The following LEMD3 variants were observed in gnomAD, a reference collection of about 807,000 sequenced individuals.
LEMD3 encodes the protein LEM domain containing 3.
A neutral mutation model predicts 95.2 loss-of-function variants in LEMD3; 33 were observed. The observed-to-expected ratio is 0.35, with a 90% CI of 0.26 to 0.46. The LOEUF (loss-of-function observed/expected upper bound fraction) is 0.46, where lower values mean the gene tolerates loss of function less well. Ranked by LOEUF, LEMD3 falls within the 20% of genes least tolerant of loss-of-function variation. The pLI is 1.00. For synonymous variants in LEMD3, 525 were observed against 474.6 expected, an observed-to-expected ratio of 1.11 and a Z score of -1.38; for missense variants, 1,210 against 1,192.8, an observed-to-expected ratio of 1.01 and a Z score of -0.21.
At chr12:65,214,585 A>G (rs1030559363) in intron 2 of LEMD3, among the ~76,000 whole-genome samples, 4 of 152,146 alleles carry the variant, frequency 2.6e-5, no homozygotes, top group Non-Finnish European at 5.9e-5. Flanking sequence ...GTGTGCAAAC[A>G]TGTTCTCTTC....
At chr12:65,192,277 A>T (rs542975614) in intron 1 of LEMD3, among the ~76,000 whole-genome samples, 1 of 152,306 alleles carries the variant, frequency 6.6e-6, no homozygotes, top group Non-Finnish European at 1.5e-5. Context: ...AAATTCATTC[A>T]CGTCCTAGCC....
intron 4 of LEMD3, among the ~76,000 whole-genome samples, chr12:65,226,116 C>A (rs1870441565): frequency 6.6e-6 from 1 of 152,126 alleles, no homozygotes; most frequent in Non-Finnish European, 1.5e-5. Flanking sequence ...AGTGCTGTTG[C>A]CTTTGTTCTT....
chr12:65,184,000 A>G (rs1037189816), intron 1 of LEMD3, among the ~76,000 whole-genome samples: 14 of 152,164 alleles, frequency 9.2e-5, no homozygotes, highest in African/African-American at 3.4e-4. Context: ...TCCTATTGGC[A>G]AAAGTGAAAA....
At chr12:65,204,988 G>A (rs1467272347) in intron 1 of LEMD3, among the ~76,000 whole-genome samples, 1 of 152,176 alleles carries the variant, frequency 6.6e-6, no homozygotes, top group Non-Finnish European at 1.5e-5. Context: ...ATAAAGGAAA[G>A]AGGTTTAATT....
In LEMD3 at chr12:65,240,947, T is replaced by G; in HGVS notation, c.2165T>G (p.Phe722Cys). ...MKKVWDRAVD[F>C]LAANESRVRT... ...AAAGTCTGGGATAGAGCTGTTGACT[T>G]CCTTGCTGCTAATGAGTCTAGAGTT... is the stretch of plus-strand genomic sequence containing the variant. The change falls in exon 9 of 13, where the codon TTC (phenylalanine) becomes TGC (cysteine). Residue 722 changes from phenylalanine to cysteine, a missense_variant. Phe to Cys is a radical substitution (Grantham distance 205). This residue lies in a region of LEMD3 where 461 missense variants were observed against 569.8 expected (regional missense o/e 0.81). Transcript: ENST00000308330. The G allele has an allele frequency of 6.2e-7, 1 of 1,614,086 alleles. No individual in the cohort carries two copies. The highest frequency in any genetic ancestry group is 8.5e-7 in the Non-Finnish European group (1 of 1,179,958).
At chr12:65,204,673 A>C (rs1051669744) in intron 1 of LEMD3, among the ~76,000 whole-genome samples, 7 of 152,130 alleles carry the variant, frequency 4.6e-5, no homozygotes, top group African/African-American at 1.7e-4. Flanking sequence ...AGAATGATTT[A>C]TATTCCTTTG....
chr12:65,197,872 G>T (rs1461673559), intron 1 of LEMD3, among the ~76,000 whole-genome samples: 1 of 151,956 alleles, frequency 6.6e-6, no homozygotes, highest in Non-Finnish European at 1.5e-5. Context: ...TTATTTCTCT[G>T]TGCGTTTGCT....
At chr12:65,196,760 C>CGCA (rs1245561691) in intron 1 of LEMD3, among the ~76,000 whole-genome samples, 3 of 152,072 alleles carry the variant, frequency 2.0e-5, no homozygotes, top group Admixed American at 6.6e-5. Flanking sequence ...CCTCCAAATG[C>CGCA]GCAGCAAAAA....
At position 65,239,962 on chromosome 12, in the gene LEMD3, T is replaced by C. The variant is rs1870881486; in HGVS notation, c.1955T>C (p.Met652Thr). Residue 652 changes from methionine (M) to threonine (T), a missense_variant, in exon 7 of 13, where the codon ATG becomes ACG. Met to Thr is a moderately conservative substitution (Grantham distance 81). Around this residue, in one of 2 missense-constraint regions of LEMD3, gnomAD observed 461 missense variants for 569.8 expected, o/e 0.81. Coordinates refer to ENST00000308330, the MANE Select transcript of LEMD3 (RefSeq NM_014319.5). ...ATGGTTTGTGTCGTTCTGCGTTACA[T>C]GAAATATCGATGGACAAAAGAAGAG... ...VVMVCVVLRY[M>T]KYRWTKEEEE... is the part of the protein sequence containing the mutation. 6.2e-7 allele frequency: 1 copy of C among 1,612,066 alleles called. No homozygotes were observed. Among genetic ancestry groups the C allele is most frequent in the Non-Finnish European group, 8.5e-7 (1 of 1,178,396 alleles).
chr12:65,228,402 ATTTT>A (rs71096032), intron 4 of LEMD3, among the ~76,000 whole-genome samples: 77 of 140,598 alleles, frequency 5.5e-4, no homozygotes, highest in Middle Eastern at 3.7e-3. Flanking sequence ...TTATTTATTT[ATTTT>A]TTTTTTTGAG....
chr12:65,204,496 C>T (rs1168929045), intron 1 of LEMD3, among the ~76,000 whole-genome samples: 4 of 152,164 alleles, frequency 2.6e-5, no homozygotes, highest in Non-Finnish European at 4.4e-5. Flanking sequence ...CACGTCCCTG[C>T]AAAGGACATG....
At chr12:65,220,867 T>A (rs750371421) in intron 4 of LEMD3, among the ~76,000 whole-genome samples, 1 of 152,184 alleles carries the variant, frequency 6.6e-6, no homozygotes, top group Non-Finnish European at 1.5e-5. Context: ...TGTAGAAGAT[T>A]GTTGGATCAT....
intron 1 of LEMD3, among the ~76,000 whole-genome samples, chr12:65,209,846 G>T (rs941663197): frequency 1.3e-5 from 2 of 151,812 alleles, no homozygotes; most frequent in African/African-American, 4.8e-5. Context: ...GGGACTTCCT[G>T]TTTTCTCAAA....
chr12:65,217,979 GGTTAT>G (rs1461305674), intron 3 of LEMD3, among the ~76,000 whole-genome samples: 3 of 152,020 alleles, frequency 2.0e-5, no homozygotes, highest in African/African-American at 4.8e-5. Flanking sequence ...TACCACACCT[GGTTAT>G]GTTATAACAG....
chr12:65,208,242 G>A (rs1869823642), intron 1 of LEMD3, among the ~76,000 whole-genome samples: 1 of 152,132 alleles, frequency 6.6e-6, no homozygotes, highest in African/African-American at 2.4e-5. Context: ...GTGAGAGGCT[G>A]TTGGGAGTGT....
intron 1 of LEMD3, among the ~76,000 whole-genome samples, chr12:65,207,152 G>A (rs552133324): frequency 3.2e-4 from 48 of 152,214 alleles, no homozygotes; most frequent in African/African-American, 9.9e-4. Context: ...TATTCCTGGC[G>A]CGTATTAGGA....
At chr12:65,227,861 G>GA (rs1206413098) in intron 4 of LEMD3, among the ~76,000 whole-genome samples, 34 of 138,184 alleles carry the variant, frequency 2.5e-4, no homozygotes, top group East Asian at 8.4e-4. Flanking sequence ...GTATAATAAG[G>GA]AAAAAAAAAA....
chr12:65,210,023 T>C (rs1869889284), intron 1 of LEMD3, among the ~76,000 whole-genome samples: 1 of 152,054 alleles, frequency 6.6e-6, no homozygotes, highest in East Asian at 1.9e-4. Flanking sequence ...TTTTCGTATG[T>C]AATATCAAAA....
At chr12:65,229,480 C>T (rs932047278) in intron 4 of LEMD3, among the ~76,000 whole-genome samples, 2 of 152,178 alleles carry the variant, frequency 1.3e-5, no homozygotes, top group African/African-American at 4.8e-5. Flanking sequence ...AATGCCTGTA[C>T]TGATTTACAT....
Sources: allele counts gnomAD v4.1 joint callset (sites outside exome capture counted in the v4.1 genomes callset), GRCh38; gene constraint gnomAD v4.1.1; regional missense constraint gnomAD v4.1.1; transcripts MANE v1.5; gene names NCBI Gene and HGNC (gene_info 2026-07-23, HGNC 2026-07-21).